The following LAMA2 variants were observed in gnomAD, a reference collection of about 807,000 sequenced individuals.
LAMA2 encodes laminin subunit alpha-2.
Under a neutral mutation model 364.8 loss-of-function variants are expected in LAMA2, and 269 were observed. The observed-to-expected ratio is 0.74, with a 90% CI of 0.67 to 0.82. LAMA2 has a LOEUF of 0.82. Ranked by LOEUF, LAMA2 falls within the 40% of genes least tolerant of loss-of-function variation. LAMA2 has a pLI of 0.00. For synonymous variants in LAMA2, 1,379 were observed against 1,370.6 expected (o/e 1.01, Z -0.14); for missense variants, 3,807 against 3,873.2 (o/e 0.98, Z 0.45).
At chr6:129,052,136 T>G (rs1365214179) in intron 2 of LAMA2, among the ~76,000 whole-genome samples, 1 of 67,042 alleles carries the variant, frequency 1.5e-5, no homozygotes, top group Non-Finnish European at 3.0e-5. Context: ...TTTCTTCTCC[T>G]TTTTTTTTTT....
At chr6:129,234,146 A>T (rs147103590) in intron 12 of LAMA2, among the ~76,000 whole-genome samples, 65 of 152,278 alleles carry the variant, frequency 4.3e-4, no homozygotes, top group African/African-American at 1.5e-3. Context: ...GGAACTAAGA[A>T]CTATTCTTAC....
At chr6:129,246,966 C>G (rs1334580717) in intron 12 of LAMA2, among the ~76,000 whole-genome samples, 1 of 151,954 alleles carries the variant, frequency 6.6e-6, no homozygotes, top group Non-Finnish European at 1.5e-5. Context: ...GTCTCTTACA[C>G]AATGGTATGT....
intron 47 of LAMA2, 49 bp downstream of exon 47, chr6:129,454,337 G>A: frequency 6.7e-7 from 1 of 1,493,378 alleles, no homozygotes; most frequent in East Asian, 2.3e-5. Context: ...GAATTTTGAA[G>A]TAGTTTCCCA....
chr6:129,295,340 C>A (rs940628455), intron 20 of LAMA2, among the ~76,000 whole-genome samples: 1 of 152,102 alleles, frequency 6.6e-6, no homozygotes, highest in East Asian at 1.9e-4. Flanking sequence ...GTTCTTATTA[C>A]CCCGAGAGAG....
At chr6:129,223,185 G>A (rs758474542) in intron 12 of LAMA2, among the ~76,000 whole-genome samples, 4 of 152,030 alleles carry the variant, frequency 2.6e-5, no homozygotes, top group Non-Finnish European at 1.5e-5. Flanking sequence ...ATTTTGATGG[G>A]GTTATTTGTT....
intron 4 of LAMA2, among the ~76,000 whole-genome samples, chr6:129,133,062 A>G (rs1777582558): frequency 6.6e-6 from 1 of 152,204 alleles, no homozygotes; most frequent in Non-Finnish European, 1.5e-5. Context: ...GGGGATAGAC[A>G]ATATTAGAAA....
chr6:129,142,845 T>A (rs1256218593), intron 4 of LAMA2, among the ~76,000 whole-genome samples: 3 of 152,028 alleles, frequency 2.0e-5, no homozygotes, highest in Non-Finnish European at 4.4e-5. Flanking sequence ...TTAACATTTA[T>A]CCTATTATGA....
At chr6:129,152,384 C>T (rs951191325) in intron 7 of LAMA2, among the ~76,000 whole-genome samples, 85 of 152,250 alleles carry the variant, frequency 5.6e-4, no homozygotes, top group African/African-American at 2.0e-3. Flanking sequence ...TTTGTCATAG[C>T]GTTCCTGGAG....
chr6:129,022,568 A>G lies in LAMA2; in HGVS notation c.113-27350A>G, dbSNP rs147242748. Among the ~76,000 whole-genome samples, 544 of 152,340 alleles carry G rather than the reference A, an allele frequency of 3.6e-3. 7 individuals are homozygous for G. The highest frequency in any genetic ancestry group is 0.034 in the Middle Eastern group (10 of 294). On this transcript the variant is annotated intron_variant, in intron 1 of 64. Transcript: ENST00000421865. ...AGTTTAGCAAAAATAGTACTTTGACATAGTACTGACAGCCTGTGCTTAGAT... is the reference window on the plus strand; with the variant it reads ...AGTTTAGCAAAAATAGTACTTTGACGTAGTACTGACAGCCTGTGCTTAGAT...
chr6:129,168,426 T>A (rs568769542), intron 9 of LAMA2, among the ~76,000 whole-genome samples: 5 of 152,376 alleles, frequency 3.3e-5, no homozygotes, highest in Non-Finnish European at 7.3e-5. Flanking sequence ...CAGGGAATCC[T>A]TTCCCCATTG....
At chr6:129,161,424 T>C (rs533141863) in intron 8 of LAMA2, among the ~76,000 whole-genome samples, 40 of 152,314 alleles carry the variant, frequency 2.6e-4, no homozygotes, top group African/African-American at 8.9e-4. Context: ...AAAATTTTTG[T>C]TCCCATTCTT....
chr6:129,125,513 G>GT (rs1222965288), intron 4 of LAMA2, among the ~76,000 whole-genome samples: 2 of 152,172 alleles, frequency 1.3e-5, no homozygotes, highest in Non-Finnish European at 2.9e-5. Flanking sequence ...AGCACACACA[G>GT]TTTTGGACAC....
At chr6:128,917,463 A>G (rs1285108304) in intron 1 of LAMA2, among the ~76,000 whole-genome samples, 2 of 152,022 alleles carry the variant, frequency 1.3e-5, no homozygotes, top group East Asian at 1.9e-4. Context: ...TATATGACCT[A>G]TTAACCTCAA....
chr6:129,411,930 G>C (rs1780559889), intron 40 of LAMA2, among the ~76,000 whole-genome samples: 1 of 151,984 alleles, frequency 6.6e-6, no homozygotes, highest in Non-Finnish European at 1.5e-5. Context: ...AAACACAAGA[G>C]ACTAATAAAA....
At chr6:129,254,686 C>T (rs757796698) in intron 14 of LAMA2, among the ~76,000 whole-genome samples, 15 of 152,156 alleles carry the variant, frequency 9.9e-5, no homozygotes, top group East Asian at 1.9e-4. Context: ...ATTTTCTTCT[C>T]GCTGTCTTCA....
intron 22 of LAMA2, among the ~76,000 whole-genome samples, chr6:129,311,696 G>T (rs1001568385): frequency 1.3e-5 from 2 of 152,184 alleles, no homozygotes; most frequent in African/African-American, 4.8e-5. Flanking sequence ...ATTGCAAGAA[G>T]ATATGAGCTC....
chr6:128,887,264 C>A (rs1407573566), intron 1 of LAMA2, among the ~76,000 whole-genome samples: 1 of 151,848 alleles, frequency 6.6e-6, no homozygotes, highest in Non-Finnish European at 1.5e-5. Context: ...TGGCCATAAA[C>A]CTGGAATTAA....
At chr6:129,201,859 A>G (rs899548438) in intron 12 of LAMA2, among the ~76,000 whole-genome samples, 3 of 152,184 alleles carry the variant, frequency 2.0e-5, no homozygotes, top group South Asian at 4.1e-4. Context: ...AATTATTAAA[A>G]AGACAGATAA....
rs115094361 is a variant in LAMA2, at chr6:129,073,441, G to A, written c.396+13545G>A. On this transcript the variant is annotated intron_variant, in intron 3 of 64. Transcript: ENST00000421865. ...CACCAATTTGGTAAAATTCTTAGCC[G>A]ATATTTTCTCGAATGTTGTTACTGT... Among the ~76,000 whole-genome samples the A allele has an allele frequency of 4.1e-3, 623 of 152,184 alleles. 6 individuals carry two copies. The highest frequency in any genetic ancestry group is 0.014 in the African/African-American group (600 of 41,542).
Sources: allele counts gnomAD v4.1 joint callset (sites outside exome capture counted in the v4.1 genomes callset), GRCh38; gene constraint gnomAD v4.1.1; transcripts MANE v1.5; gene names NCBI Gene and HGNC (gene_info 2026-07-23, HGNC 2026-07-21).